AAR2: variants seen among roughly 807,000 people sequenced by gnomAD.
AAR2 encodes AAR2 splicing factor.
AAR2 carries 31 observed loss-of-function variants against 26.9 expected under a neutral mutation model. The observed-to-expected ratio is 1.15, with a 90% CI of 0.86 to 1.55. The LOEUF is 1.55. AAR2 is among the 40% of genes most tolerant of loss of function. The probability of loss-of-function intolerance (pLI) is 0.00; values close to 1 mark genes in which losing one functional copy is unlikely to be tolerated. For synonymous variants in AAR2, 188 were observed against 196.1 expected (o/e 0.96, Z 0.34); for missense variants, 430 against 491.3 (o/e 0.88, Z 1.18).
In AAR2 at chr20:36,239,921, G is replaced by A. The variant is rs781199193; in HGVS notation, c.53G>A (p.Gly18Glu). ...CTAGCCAAGCGCCTCTTCTTTGAAG[G>A]GGCCACTGTGGTCATCCTGAACATG... ...PELAKRLFFE[G>E]ATVVILNMPK... Residue 18 changes from glycine (G) to glutamate (E), a missense_variant, in exon 2 of 4, where the codon GGG becomes GAG. By Grantham distance (98) the Gly-to-Glu change is moderately conservative. Transcript: ENST00000320849. The A allele has an allele frequency of 1.2e-6, 2 of 1,611,192 alleles. No individual in the cohort carries two copies. Among genetic ancestry groups the A allele is most frequent in the Admixed American group, 1.7e-5 (1 of 59,950 alleles).
intron 3 of AAR2, among the ~76,000 whole-genome samples, chr20:36,251,624 A>G (rs2064781167): frequency 6.6e-6 from 1 of 152,176 alleles, no homozygotes; most frequent in African/African-American, 2.4e-5. Flanking sequence ...TCTGCTCAGC[A>G]TTTGTCACTG....
At chr20:36,248,964 CAG>C (rs894903741) in intron 3 of AAR2, among the ~76,000 whole-genome samples, 3 of 151,842 alleles carry the variant, frequency 2.0e-5, no homozygotes, top group African/African-American at 7.3e-5. Context: ...GGCATTCACT[CAG>C]GGCATTTGTG....
intron 3 of AAR2, among the ~76,000 whole-genome samples, chr20:36,251,195 C>CAA (rs36018770): frequency 5.9e-5 from 8 of 136,744 alleles, no homozygotes; most frequent in African/African-American, 1.6e-4. Flanking sequence ...GACCCTATCT[C>CAA]AAAAAAAAAA....
chr20:36,244,111 C>G (rs745523632), intron 2 of AAR2, among the ~76,000 whole-genome samples: 12 of 152,238 alleles, frequency 7.9e-5, no homozygotes, highest in Non-Finnish European at 1.3e-4. Flanking sequence ...TGGGCAAGCC[C>G]TTGACCTTAT....
chr20:36,242,364 TTTGTTGTTG>T lies in AAR2; in HGVS notation c.757+1776_757+1784del, dbSNP rs78763281. 7.6e-3 allele frequency among the ~76,000 whole-genome samples: 1,110 copies of T among 145,270 alleles called. 10 individuals are homozygous for T. The highest frequency in any genetic ancestry group is 0.026 in the African/African-American group (986 of 38,444). ...AACCTATATTTTAACAGGTACATCTTTTGTTGTTGTTGTTGTTGTTGTTGTTGTTGTTGT... is the reference window on the plus strand; with the variant it reads ...AACCTATATTTTAACAGGTACATCTTTTGTTGTTGTTGTTGTTGTTGTTGT... On this transcript the variant is annotated intron_variant, in intron 2 of 3. Coordinates refer to ENST00000320849, the MANE Select transcript of AAR2 (RefSeq NM_001271874.2).
At position 36,244,790 on chromosome 20, in the gene AAR2, C is replaced by A; in HGVS notation, c.851C>A (p.Ser284Ter). 6.2e-7 allele frequency: 1 copy of A among 1,614,178 alleles called. No homozygotes were observed. The highest frequency in any genetic ancestry group is 8.5e-7 in the Non-Finnish European group (1 of 1,180,036). The change falls in exon 3 of 4, where the codon TCA becomes TAA. Residue 284 changes from serine to a stop codon, truncating the protein, a stop_gained. Transcript: ENST00000320849. LOFTEE classifies it high-confidence loss of function. ...WKRLLNLLCR[S>*]EAAMMKHHTL... ...CGGCTCCTGAACCTCCTGTGCCGGT[C>A]AGAAGCAGCCATGATGAAGCACCAC... is the stretch of plus-strand genomic sequence containing the variant.
At chr20:36,241,599 G>A (rs1238421360) in intron 2 of AAR2, among the ~76,000 whole-genome samples, 1 of 152,038 alleles carries the variant, frequency 6.6e-6, no homozygotes, top group Non-Finnish European at 1.5e-5. Context: ...GACCAGCCTG[G>A]CCAACATGGT....
intron 3 of AAR2, among the ~76,000 whole-genome samples, chr20:36,252,800 C>T (rs1475910697): frequency 2.0e-5 from 3 of 152,140 alleles, no homozygotes; most frequent in Non-Finnish European, 4.4e-5. Flanking sequence ...GGGATGGCCT[C>T]ATGGGTGTGC....
chr20:36,242,822 C>T (rs2064696731), intron 2 of AAR2, among the ~76,000 whole-genome samples: 1 of 149,808 alleles, frequency 6.7e-6, no homozygotes. Flanking sequence ...ATATATCTTG[C>T]GAAAAGGTCT....
At chr20:36,243,805 C>T (rs1197432198) in intron 2 of AAR2, among the ~76,000 whole-genome samples, 1 of 152,170 alleles carries the variant, frequency 6.6e-6, no homozygotes, top group Non-Finnish European at 1.5e-5. Flanking sequence ...AAATTGAGGC[C>T]TTAATAGATT....
In AAR2 at chr20:36,255,622, GAGAA is replaced by G; in HGVS notation, c.1039_1042del (p.Lys347LeufsTer8). 6.2e-7 allele frequency: 1 copy of G among 1,614,182 alleles called. No homozygotes were observed. Among genetic ancestry groups the G allele is most frequent in the South Asian group, 1.1e-5 (1 of 91,080 alleles). ...GCAGCATTGCCGTGGATGCCACCCT[GAGAA>G]AGAAAGCTGAAAAGTTCCAAGCTCA... On this transcript the variant is annotated frameshift_variant, in exon 4 of 4. Coordinates refer to ENST00000320849, the MANE Select transcript of AAR2 (RefSeq NM_001271874.2). LOFTEE classifies it high-confidence loss of function.
At chr20:36,252,300 C>G (rs747364184) in intron 3 of AAR2, among the ~76,000 whole-genome samples, 6 of 152,196 alleles carry the variant, frequency 3.9e-5, no homozygotes, top group Non-Finnish European at 8.8e-5. Flanking sequence ...CTGTGGTTGT[C>G]TTCATTCTTC....
chr20:36,242,742 TTTAAAAGTCTGGC>T (rs1348376279), intron 2 of AAR2, among the ~76,000 whole-genome samples: 2 of 152,166 alleles, frequency 1.3e-5, no homozygotes. Context: ...ATAAGTAACT[TTTAAAAGTCTGGC>T]TTAAAAATGA....
At position 36,255,631 on chromosome 20, in the gene AAR2, A is replaced by G; in HGVS notation, c.1041A>G (p.Lys347=). The change falls in exon 4 of 4, where the codon AAA becomes AAG. Residue 347 remains lysine (K), a synonymous_variant. Transcript: ENST00000320849. ...SIAVDATLRK[K]AEKFQAHLTK... is the part of the protein sequence containing the mutation. Reference sequence around the variant, plus strand: ...CCGTGGATGCCACCCTGAGAAAGAAAGCTGAAAAGTTCCAAGCTCACCTGA... The same window carrying G: ...CCGTGGATGCCACCCTGAGAAAGAAGGCTGAAAAGTTCCAAGCTCACCTGA... 1 of 1,614,194 alleles carries G rather than the reference A, an allele frequency of 6.2e-7. No individual in the cohort carries two copies. The highest frequency in any genetic ancestry group is 8.5e-7 in the Non-Finnish European group (1 of 1,180,040).
In AAR2 at chr20:36,237,852, A is replaced by T. The variant is rs368436492; in HGVS notation, c.-49+1349A>T. Among the ~76,000 whole-genome samples the T allele has an allele frequency of 8.7e-4, 132 of 151,150 alleles. 5 individuals carry two copies. The South Asian group carries it at 0.028, about 32-fold the overall frequency. ...GGCTGGAGTGCAGTGGTGTGATCTC[A>T]GCTCACTGCAACCTCTGCCTCCCAG... On this transcript the variant is annotated intron_variant, in intron 1 of 3. Coordinates refer to ENST00000320849, the MANE Select transcript of AAR2 (RefSeq NM_001271874.2).
At chr20:36,248,646 A>G (rs988101052) in intron 3 of AAR2, among the ~76,000 whole-genome samples, 2 of 152,092 alleles carry the variant, frequency 1.3e-5, no homozygotes, top group Non-Finnish European at 2.9e-5. Context: ...ATTTGGTGTT[A>G]TTGGGTGTTT....
At chr20:36,240,913 A>G (rs2064674702) in intron 2 of AAR2, among the ~76,000 whole-genome samples, 2 of 152,158 alleles carry the variant, frequency 1.3e-5, no homozygotes, top group Non-Finnish European at 2.9e-5. Flanking sequence ...ACAGAAGGAA[A>G]AGATTTGGCC....
Position 36,240,644 on chromosome 20 carries a change from C to G in AAR2, c.757+19C>G. 6.2e-7 allele frequency: 1 copy of G among 1,600,958 alleles called. No homozygotes were observed. Among genetic ancestry groups the G allele is most frequent in the Non-Finnish European group, 8.5e-7 (1 of 1,171,648 alleles). ...GTGCTTGGTGAGAAGGAACAAGGCT[C>G]TTTGGGAGTGGGCCAAGGGGAGGAT... On this transcript the variant is annotated intron_variant, in intron 2 of 3. Transcript: ENST00000320849.
chr20:36,255,857 T>A lies in AAR2; in HGVS notation c.*112T>A. On this transcript the variant is annotated 3_prime_UTR_variant, in exon 4 of 4. Coordinates refer to ENST00000320849, the MANE Select transcript of AAR2 (RefSeq NM_001271874.2). ...CTGCCAGGGCAGCAATCTCTCCAGG[T>A]CCTGCAAAGATGGAGCCAGAATTCC... 1 of 1,324,582 alleles carries A rather than the reference T, an allele frequency of 7.5e-7. No individual in the cohort carries two copies. Among genetic ancestry groups the A allele is most frequent in the Non-Finnish European group, 1.0e-6 (1 of 976,024 alleles). The allele number at this position is 1,324,582 out of a possible 1,614,324, so 82.1% of individuals were successfully genotyped here.
Sources: gnomAD v4.1 joint callset for allele counts (sites outside exome capture counted in the v4.1 genomes callset) on GRCh38, gnomAD v4.1.1 for gene constraint, MANE v1.5 for transcripts, NCBI Gene and HGNC (gene_info 2026-07-23, HGNC 2026-07-21) for gene names.